TJP2: variants seen among roughly 807,000 people sequenced by gnomAD.
TJP2 encodes the protein tight junction protein 2.
In TJP2, 91 loss-of-function variants were observed where a neutral mutation model predicts 133.1. The ratio of observed to expected loss-of-function variants is 0.68; its 90% CI spans 0.58 to 0.81. The LOEUF (loss-of-function observed/expected upper bound fraction) is 0.81, where lower values mean the gene tolerates loss of function less well. Among genes scored for constraint, TJP2 ranks in the 40% least tolerant of loss-of-function variants. The probability of loss-of-function intolerance (pLI) is 0.00; values close to 1 mark genes in which losing one functional copy is unlikely to be tolerated. For missense variants in TJP2, 1,541 were observed against 1,565.6 expected, an observed-to-expected ratio of 0.98 and a Z score of 0.26; for synonymous variants, 592 against 583.4, an observed-to-expected ratio of 1.01 and a Z score of -0.21.
At chr9:69,175,219 TG>T (rs967253102) in intron 1 of TJP2, among the ~76,000 whole-genome samples, 8 of 152,240 alleles carry the variant, frequency 5.3e-5, no homozygotes, top group Non-Finnish European at 8.8e-5. Context: ...GCTGCTTTTC[TG>T]GCAGCTGTCT....
Position 69,246,720 on chromosome 9 carries a change from G to C in TJP2, c.2597G>C (p.Ser866Thr). 6.2e-7 allele frequency: 1 copy of C among 1,614,086 alleles called. No homozygotes were observed. The highest frequency in any genetic ancestry group is 8.5e-7 in the Non-Finnish European group (1 of 1,179,994). The change falls in exon 18 of 23, where the codon AGC (serine) becomes ACC (threonine). Residue 866 changes from serine to threonine, a missense_variant. Ser to Thr is a moderately conservative substitution (Grantham distance 58). Transcript: ENST00000377245. ...ATINLNSAND[S>T]WFGSLKDTIQ... ...ATCAACCTAAATTCAGCCAATGATA[G>C]CTGGTTTGGCAGCTTAAAGGACACT...
chr9:69,218,263 T>C lies in TJP2; in HGVS notation c.246T>C (p.Asn82=), dbSNP rs747238310. Residue 82 remains asparagine, a synonymous_variant, in exon 4 of 23, where the codon AAT becomes AAC. Transcript: ENST00000377245. ...GGPADGLLQE[N]DRVVMVNGTP... ...TTTTATTTCTTGTTTACAGAGAAAA[T>C]GACAGAGTGGTCATGGTCAATGGCA... is the stretch of plus-strand genomic sequence containing the variant. The C allele has an allele frequency of 8.1e-6, 13 of 1,613,154 alleles. No individual in the cohort carries two copies. The highest frequency in any genetic ancestry group is 1.0e-5 in the Non-Finnish European group (12 of 1,179,188).
At chr9:69,163,738 T>TGCTG (rs1365465452) in intron 2 of TJP2, among the ~76,000 whole-genome samples, 1 of 152,154 alleles carries the variant, frequency 6.6e-6, no homozygotes, top group Non-Finnish European at 1.5e-5. Context: ...CCTCCCAAAG[T>TGCTG]GCTGGGATTA....
chr9:69,225,972 A>G, intron 6 of TJP2, 50 bp from the exon 7 acceptor site: 1 of 1,595,680 alleles, frequency 6.3e-7, no homozygotes, highest in South Asian at 1.1e-5. Context: ...TGAATTTTCT[A>G]CTGTGAATAA....
intron 2 of TJP2, among the ~76,000 whole-genome samples, chr9:69,166,755 G>A (rs935349918): frequency 5.3e-5 from 8 of 151,744 alleles, no homozygotes; most frequent in East Asian, 2.0e-4. Flanking sequence ...GTGAGCCACC[G>A]TGCCCAGCCT....
rs10577570 is a variant in TJP2, at chr9:69,133,546, C to CTTTTTT, written c.-131+11839_-131+11844dup. On this transcript the variant is annotated intron_variant, in intron 1 of 5. Transcript: ENST00000423935. The stretch of plus-strand genomic sequence containing the variant: ...ATGCTTTCCTGTTTCATTTTTCTGG[C>CTTTTTT]TTTTTTTTTTTTTTTTTTTTTTTGA... 4.0e-3 allele frequency among the ~76,000 whole-genome samples: 417 copies of CTTTTTT among 104,752 alleles called. 14 individuals carry two copies. Among genetic ancestry groups the CTTTTTT allele is most frequent in the African/African-American group, 0.015 (391 of 25,646 alleles). 68.7% of individuals were successfully genotyped at this position (104,752 alleles called of 152,430 possible).
Position 69,254,218 on chromosome 9 carries a change from C to G in TJP2, c.3417C>G (p.Pro1139=), listed in dbSNP as rs753075724. ...ACCCTTTTTTTGTTAGTTCCAGACC[C>G]CCTGAGCCACAGAAAGCTCCTTCCA... ...PGTPQHTSSR[P]PEPQKAPSRP... The change falls in exon 23 of 23, where the codon CCC becomes CCG. Residue 1139 remains proline (P), a synonymous_variant. Transcript: ENST00000377245. 1 of 1,614,200 alleles carries G rather than the reference C, an allele frequency of 6.2e-7. No homozygotes were observed. The highest frequency in any genetic ancestry group is 8.5e-7 in the Non-Finnish European group (1 of 1,180,046).
chr9:69,151,925 C>T (rs891675542), intron 2 of TJP2, among the ~76,000 whole-genome samples: 3 of 152,056 alleles, frequency 2.0e-5, no homozygotes, highest in African/African-American at 7.2e-5. Flanking sequence ...ATGGTAATGT[C>T]CTATTTACCA....
At chr9:69,212,245 G>C (rs891277619) in intron 1 of TJP2, among the ~76,000 whole-genome samples, 4 of 152,130 alleles carry the variant, frequency 2.6e-5, no homozygotes, top group Non-Finnish European at 4.4e-5. Context: ...TTTTTAAAGG[G>C]GTTTTATGAT....
chr9:69,202,913 T>G (rs1228238346), intron 1 of TJP2, among the ~76,000 whole-genome samples: 1 of 152,146 alleles, frequency 6.6e-6, no homozygotes, highest in African/African-American at 2.4e-5. Context: ...AAATTTTAGG[T>G]TATATATTCT....
At chr9:69,245,446 T>G (rs1227313122) in intron 17 of TJP2, among the ~76,000 whole-genome samples, 1 of 152,272 alleles carries the variant, frequency 6.6e-6, no homozygotes, top group Non-Finnish European at 1.5e-5. Context: ...TATTTTGGAC[T>G]AACTTGCTTG....
At chr9:69,147,016 T>C (rs556490063) in intron 1 of TJP2, among the ~76,000 whole-genome samples, 1 of 152,340 alleles carries the variant, frequency 6.6e-6, no homozygotes, top group East Asian at 1.9e-4. Flanking sequence ...ATTATTGTTA[T>C]TCTACTGTTA....
chr9:69,216,064 C>A (rs553744490), intron 2 of TJP2, among the ~76,000 whole-genome samples: 1 of 152,336 alleles, frequency 6.6e-6, no homozygotes, highest in East Asian at 1.9e-4. Context: ...ACATTGTTTC[C>A]TATCCCGGCC....
In TJP2 at chr9:69,137,636, A is replaced by G. The variant is rs58496554; in HGVS notation, c.-130-14015A>G. The stretch of plus-strand genomic sequence containing the variant: ...GCTTCGGCCTCCCAAAGTGCTGGGA[A>G]TACAAGCATGAGCCACTGTACTCAG... On this transcript the variant is annotated intron_variant, in intron 1 of 5. Coordinates refer to the TJP2 transcript ENST00000423935. Among the ~76,000 whole-genome samples, 620 of 151,888 alleles carry G rather than the reference A, an allele frequency of 4.1e-3. 4 individuals carry two copies. Among genetic ancestry groups the G allele is most frequent in the African/African-American group, 0.014 (600 of 41,432 alleles).
intron 22 of TJP2, 158 bp from the exon 23 acceptor site, chr9:69,254,050 GA>G: frequency 1.2e-6 from 1 of 846,976 alleles, no homozygotes; most frequent in South Asian, 1.4e-5. Context: ...TACGAACCTG[GA>G]GCAGGACCAG....
intron 13 of TJP2, 55 bp downstream of exon 13, chr9:69,236,293 C>A: frequency 6.4e-7 from 1 of 1,567,060 alleles, no homozygotes; most frequent in Non-Finnish European, 8.8e-7. Flanking sequence ...CTGCAGAAAA[C>A]TAGAGACCGC....
At chr9:69,161,900 T>C (rs1420426609) in intron 2 of TJP2, among the ~76,000 whole-genome samples, 2 of 149,726 alleles carry the variant, frequency 1.3e-5, no homozygotes, top group Non-Finnish European at 3.0e-5. Flanking sequence ...AATACAAAAT[T>C]AGCCGGCGTG....
intron 2 of TJP2, among the ~76,000 whole-genome samples, chr9:69,157,014 G>A (rs1343281484): frequency 6.6e-6 from 1 of 152,098 alleles, no homozygotes; most frequent in Non-Finnish European, 1.5e-5. Flanking sequence ...TCAGACTTCA[G>A]GTCAGTGTTG....
chr9:69,185,067 T>TTC (rs1825766785), intron 1 of TJP2, among the ~76,000 whole-genome samples: 1 of 150,202 alleles, frequency 6.7e-6, no homozygotes, highest in East Asian at 1.9e-4. Flanking sequence ...TGATTTCTTT[T>TTC]TTTTTTTTTT....
Sources: allele counts gnomAD v4.1 joint callset (sites outside exome capture counted in the v4.1 genomes callset), GRCh38; gene constraint gnomAD v4.1.1; transcripts MANE v1.5; gene names NCBI Gene and HGNC (gene_info 2026-07-23, HGNC 2026-07-21).